SNTG1: variants seen among roughly 807,000 people sequenced by gnomAD.
SNTG1 encodes syntrophin gamma 1.
SNTG1 carries 39 observed loss-of-function variants against 74.7 expected under a neutral mutation model. The ratio of observed to expected loss-of-function variants is 0.52; its 90% CI spans 0.40 to 0.68. SNTG1 has a LOEUF of 0.68. SNTG1 is among the 30% of genes least tolerant of loss of function. The pLI, the probability that SNTG1 is intolerant of heterozygous loss-of-function variation, is 0.00. For synonymous variants in SNTG1, 254 were observed against 217.1 expected, an observed-to-expected ratio of 1.17 and a Z score of -1.49; for missense variants, 685 against 609.5, an observed-to-expected ratio of 1.12 and a Z score of -1.30.
At chr8:50,428,189 A>G (rs1435146600) in intron 4 of SNTG1, among the ~76,000 whole-genome samples, 1 of 152,228 alleles carries the variant, frequency 6.6e-6, no homozygotes, top group Non-Finnish European at 1.5e-5. Context: ...ATATGCCTGT[A>G]GTCCTAGATA....
At chr8:50,233,418 C>T (rs181257298) in intron 2 of SNTG1, among the ~76,000 whole-genome samples, 1 of 151,686 alleles carries the variant, frequency 6.6e-6, no homozygotes. Context: ...ATAAAGAAAA[C>T]TTCAAAATGG....
intron 2 of SNTG1, among the ~76,000 whole-genome samples, chr8:50,221,512 TACACACACACACACACAC>T (rs71550218): frequency 3.1e-5 from 4 of 130,110 alleles, no homozygotes; most frequent in African/African-American, 1.1e-4. Context: ...AACACACACA[TACACACACACACACACAC>T]ACACACACAC....
intron 12 of SNTG1, among the ~76,000 whole-genome samples, chr8:50,568,013 C>T (rs1356563411): frequency 7.2e-5 from 11 of 152,060 alleles, no homozygotes; most frequent in Non-Finnish European, 1.3e-4. Context: ...TCTTTCCCTT[C>T]CCCAGGTTCT....
chr8:50,779,549 A>C (rs1311867374), intron 18 of SNTG1, among the ~76,000 whole-genome samples: 1 of 152,180 alleles, frequency 6.6e-6, no homozygotes, highest in East Asian at 1.9e-4. Context: ...TTGTACATTG[A>C]TTTTGTATCC....
At chr8:50,299,187 G>A (rs867140976) in intron 2 of SNTG1, among the ~76,000 whole-genome samples, 2 of 151,618 alleles carry the variant, frequency 1.3e-5, no homozygotes, top group South Asian at 4.2e-4. Context: ...ATGAGAAAGA[G>A]AAATACCAAA....
At position 50,173,279 on chromosome 8, in the gene SNTG1, T is replaced by C. The variant is rs137997733; in HGVS notation, c.-28+644T>C. ...GTTACTTTAGGAAGGAATCATACACTATTTGTTGGAAGGAGGTGAACGTGG... is the reference window on the plus strand; with the variant it reads ...GTTACTTTAGGAAGGAATCATACACCATTTGTTGGAAGGAGGTGAACGTGG... On this transcript the variant is annotated intron_variant, in intron 2 of 18. Coordinates refer to ENST00000642720, the MANE Select transcript of SNTG1 (RefSeq NM_018967.5). Among the ~76,000 whole-genome samples the C allele has an allele frequency of 5.7e-3, 875 of 152,260 alleles. 15 individuals are homozygous for C. The highest frequency in any genetic ancestry group is 0.014 in the Middle Eastern group (4 of 294).
At chr8:50,389,461 C>T (rs994614220) in intron 2 of SNTG1, among the ~76,000 whole-genome samples, 3 of 152,174 alleles carry the variant, frequency 2.0e-5, no homozygotes, top group South Asian at 2.1e-4. Context: ...TGGTGTGTGA[C>T]GTTCCCCTTC....
chr8:50,627,082 TC>T (rs1193499616), intron 13 of SNTG1, among the ~76,000 whole-genome samples: 1 of 152,170 alleles, frequency 6.6e-6, no homozygotes, highest in East Asian at 1.9e-4. Flanking sequence ...CATCATTTAA[TC>T]CTTTTTGTCT....
Position 50,536,792 on chromosome 8 carries a change from G to C in SNTG1, c.664G>C (p.Gly222Arg), listed in dbSNP as rs147200097. 1 of 1,613,868 alleles carries C rather than the reference G, an allele frequency of 6.2e-7. No homozygotes were observed. Among genetic ancestry groups the C allele is most frequent in the Admixed American group, 1.7e-5 (1 of 60,000 alleles). The change falls in exon 11 of 19, where the codon GGC (glycine) becomes CGC (arginine). Residue 222 changes from glycine (G) to arginine (R), a missense_variant. Gly to Arg is a moderately radical substitution (Grantham distance 125). Transcript: ENST00000642720. ...TTCGCGCTTCTCTCAGTATGTGCCC[G>C]GCACAGATTTGAGTCGGTGAGTCCG... ...LHSRFSQYVP[G>R]TDLSRQNAFQ...
chr8:50,115,387 T>C (rs2080772369), intron 1 of SNTG1, among the ~76,000 whole-genome samples: 14 of 151,502 alleles, frequency 9.2e-5, no homozygotes, highest in Admixed American at 8.6e-4. Flanking sequence ...GCTAACATGG[T>C]GAAACCCCGT....
chr8:50,043,473 CA>C (rs1818815332), intron 1 of SNTG1, among the ~76,000 whole-genome samples: 1 of 152,188 alleles, frequency 6.6e-6, no homozygotes, highest in African/African-American at 2.4e-5. Context: ...TCCTTATTCA[CA>C]TTGAATTTAT....
intron 2 of SNTG1, among the ~76,000 whole-genome samples, chr8:50,279,249 C>T (rs1446433512): frequency 2.0e-5 from 3 of 152,044 alleles, no homozygotes; most frequent in Non-Finnish European, 4.4e-5. Context: ...CAAAAAAATG[C>T]TCATAAGAAA....
At chr8:50,702,097 C>T (rs1487419777) in intron 15 of SNTG1, among the ~76,000 whole-genome samples, 1 of 152,028 alleles carries the variant, frequency 6.6e-6, no homozygotes, top group East Asian at 1.9e-4. Flanking sequence ...AGTGATCTGC[C>T]CACCTCGGCC....
intron 2 of SNTG1, among the ~76,000 whole-genome samples, chr8:50,334,984 A>G (rs1313028515): frequency 6.6e-6 from 1 of 152,190 alleles, no homozygotes; most frequent in African/African-American, 2.4e-5. Context: ...ATTTTTGTTC[A>G]CTGTAATATT....
intron 1 of SNTG1, among the ~76,000 whole-genome samples, chr8:49,923,816 C>G (rs1047570751): frequency 1.3e-5 from 2 of 152,036 alleles, no homozygotes; most frequent in Non-Finnish European, 2.9e-5. Flanking sequence ...GTGTTTTGAA[C>G]AAGGAGATCA....
rs1413092906 is a variant in SNTG1 at position 50,120,380 on chromosome 8, TCAC to T, written c.-102-52168_-102-52166del. 8.6e-4 allele frequency among the ~76,000 whole-genome samples: 120 copies of T among 139,590 alleles called. 7 individuals carry two copies. The highest frequency in any genetic ancestry group is 3.1e-3 in the African/African-American group (119 of 38,596). 91.6% of individuals were successfully genotyped at this position (139,590 alleles called of 152,430 possible). ...ACTAATACTACCAATATTACTACCA[TCAC>T]CACCACCACCACTACCATAACTACT... On this transcript the variant is annotated intron_variant, in intron 1 of 18. Transcript: ENST00000642720.
At chr8:49,967,692 C>A (rs1159341396) in intron 1 of SNTG1, among the ~76,000 whole-genome samples, 1 of 152,118 alleles carries the variant, frequency 6.6e-6, no homozygotes, top group African/African-American at 2.4e-5. Flanking sequence ...TCTGAAATAG[C>A]TTTTTCATTT....
At chr8:50,336,549 A>G (rs1387721454) in intron 2 of SNTG1, among the ~76,000 whole-genome samples, 3 of 152,192 alleles carry the variant, frequency 2.0e-5, no homozygotes, top group Non-Finnish European at 4.4e-5. Context: ...TACATGCTGC[A>G]TATCAAATGA....
intron 1 of SNTG1, among the ~76,000 whole-genome samples, chr8:50,051,747 C>T (rs1819593632): frequency 6.6e-6 from 1 of 152,046 alleles, no homozygotes; most frequent in African/African-American, 2.4e-5. Flanking sequence ...TGGCTGTCTT[C>T]CTATAGAAAC....
Sources: allele counts gnomAD v4.1 joint callset (sites outside exome capture counted in the v4.1 genomes callset), GRCh38; gene constraint gnomAD v4.1.1; transcripts MANE v1.5; gene names NCBI Gene and HGNC (gene_info 2026-07-23, HGNC 2026-07-21).